Variants in IL10RB observed in about 807,000 individuals in gnomAD.
The protein encoded by IL10RB is interleukin-10 receptor subunit beta.
A neutral mutation model predicts 38.7 loss-of-function variants in IL10RB; 30 were observed. That is an observed-to-expected ratio of 0.78 (90% CI 0.58 to 1.05). The LOEUF is 1.05. Ranked by LOEUF, IL10RB falls within the 50% of genes least tolerant of loss-of-function variation. The pLI is 0.00. For synonymous variants in IL10RB, 142 were observed against 145.9 expected (o/e 0.97, Z 0.19); for missense variants, 328 against 397.1 (o/e 0.83, Z 1.48).
chr21:33,280,374 A>C (rs1253167162), intron 4 of IL10RB, among the ~76,000 whole-genome samples: 4 of 152,180 alleles, frequency 2.6e-5, no homozygotes, highest in Admixed American at 1.3e-4. Flanking sequence ...TCTGATCGGA[A>C]TATCACCCGT....
intron 5 of IL10RB, among the ~76,000 whole-genome samples, chr21:33,285,046 C>A (rs1989348464): frequency 6.6e-6 from 1 of 152,128 alleles, no homozygotes; most frequent in Non-Finnish European, 1.5e-5. Flanking sequence ...CCCACCACCA[C>A]ACCCAGCTAA....
At position 33,283,152 on chromosome 21, in the gene IL10RB, C is replaced by T. The variant is rs1989310081; in HGVS notation, c.557C>T (p.Thr186Ile). The part of the protein sequence containing the change: ...EVLRNLEPWT[T>I]YCVQVRGFLP... ...CTCAGAAACCTGGAGCCATGGACAA[C>T]TTATTGTGTTCAAGTTCGAGGGTTT... The change falls in exon 5 of 7, where the codon ACT becomes ATT. Residue 186 changes from threonine to isoleucine, a missense_variant. Transcript: ENST00000290200. The T allele has an allele frequency of 6.2e-7, 1 of 1,613,728 alleles. No individual in the cohort carries two copies. Among genetic ancestry groups the T allele is most frequent in the Admixed American group, 1.7e-5 (1 of 59,998 alleles).
chr21:33,275,101 G>A (rs948800084), intron 2 of IL10RB, among the ~76,000 whole-genome samples: 2 of 151,392 alleles, frequency 1.3e-5, no homozygotes, highest in Non-Finnish European at 2.9e-5. Flanking sequence ...TTATGGAGAT[G>A]GCTTCTGTCC....
chr21:33,286,596 T>C (rs1418213998), intron 5 of IL10RB, among the ~76,000 whole-genome samples: 3 of 151,896 alleles, frequency 2.0e-5, no homozygotes, highest in Non-Finnish European at 4.4e-5. Flanking sequence ...TCAGAGGTGT[T>C]TTAAAGGGAG....
At chr21:33,276,219 C>T (rs896898098) in intron 2 of IL10RB, among the ~76,000 whole-genome samples, 2 of 152,092 alleles carry the variant, frequency 1.3e-5, no homozygotes, top group South Asian at 2.1e-4. Context: ...AGGGCATCAA[C>T]GTTGTATATG....
chr21:33,288,063 G>C, intron 5 of IL10RB, 41 bp from the exon 6 acceptor site: 2 of 1,601,914 alleles, frequency 1.2e-6, no homozygotes, highest in Non-Finnish European at 8.6e-7. Flanking sequence ...ACTGTGACCC[G>C]ACCTGTGACA....
intron 3 of IL10RB, among the ~76,000 whole-genome samples, chr21:33,279,029 G>A (rs1488628496): frequency 1.3e-5 from 2 of 152,202 alleles, no homozygotes; most frequent in African/African-American, 4.8e-5. Context: ...ACCTCATGGA[G>A]CATATATGTG....
At chr21:33,300,521 G>A (rs1278025545), downstream of IL10RB, among the ~76,000 whole-genome samples, 2 of 151,636 alleles carry the variant, frequency 1.3e-5, no homozygotes, top group South Asian at 2.1e-4. Context: ...AGAGCTGTAA[G>A]TTAACAAATC....
intron 1 of IL10RB, among the ~76,000 whole-genome samples, chr21:33,305,357 A>C (rs147386016): frequency 2.4e-4 from 36 of 152,084 alleles, no homozygotes; most frequent in African/African-American, 8.7e-4. Flanking sequence ...TGATCCTCCC[A>C]TCTCGGCCTC....
At chr21:33,284,087 G>A (rs1601833612) in intron 5 of IL10RB, among the ~76,000 whole-genome samples, 2 of 152,250 alleles carry the variant, frequency 1.3e-5, no homozygotes, top group African/African-American at 4.8e-5. Flanking sequence ...CCTGAGGTCA[G>A]GAGTTTGAGA....
In IL10RB at chr21:33,296,462, C is replaced by A; in HGVS notation, c.*105C>A. 1 of 1,096,648 alleles carries A rather than the reference C, an allele frequency of 9.1e-7. No individual in the cohort carries two copies. The highest frequency in any genetic ancestry group is 1.4e-6 in the Non-Finnish European group (1 of 738,612). 67.9% of individuals were successfully genotyped at this position (1,096,648 alleles called of 1,614,324 possible). A position where few individuals can be genotyped will look rare whatever the true frequency, so the allele number is the denominator to read the frequency against. ...CAAACAAGGGCCAAGACCATCTGAGCCAGCCCCACATCTAGAACTCCCAGA... is the reference window on the plus strand; with the variant it reads ...CAAACAAGGGCCAAGACCATCTGAGACAGCCCCACATCTAGAACTCCCAGA... On this transcript the variant is annotated 3_prime_UTR_variant, in exon 7 of 7. Transcript: ENST00000290200.
chr21:33,307,492 G>C (rs988446822), intron 1 of IL10RB, among the ~76,000 whole-genome samples: 1 of 152,172 alleles, frequency 6.6e-6, no homozygotes, highest in African/African-American at 2.4e-5. Flanking sequence ...CTGTCTGTGA[G>C]TTCCCCAATA....
Position 33,266,502 on chromosome 21 carries a change from C to A in IL10RB, c.37C>A (p.Leu13Met). The change falls in exon 1 of 7, where the codon CTG becomes ATG. Residue 13 changes from leucine (L) to methionine (M), a missense_variant. Transcript: ENST00000290200. ...CCTTGGGAGCTGGCTGGGTGGCTGC[C>A]TGCTGGTGTCAGGTGAGGGGTCCGC... ...WSLGSWLGGC[L>M]LVSALGMVPP... 4.5e-6 allele frequency: 7 copies of A among 1,543,118 alleles called. No individual in the cohort carries two copies. The highest frequency in any genetic ancestry group is 6.1e-6 in the Non-Finnish European group (7 of 1,147,442).
intron 6 of IL10RB, among the ~76,000 whole-genome samples, chr21:33,290,222 T>C (rs1989459489): frequency 6.7e-6 from 1 of 148,984 alleles, no homozygotes; most frequent in Non-Finnish European, 1.5e-5. Context: ...ACTCGGGAGG[T>C]GGAAGTTGCA....
intron 3 of IL10RB, among the ~76,000 whole-genome samples, chr21:33,279,154 C>G (rs902762302): frequency 2.6e-4 from 39 of 152,140 alleles, no homozygotes; most frequent in African/African-American, 8.4e-4. Context: ...GGGAGCTGCA[C>G]TTCTACATAG....
intron 4 of IL10RB, among the ~76,000 whole-genome samples, chr21:33,281,136 A>G (rs896581657): frequency 5.9e-5 from 9 of 152,172 alleles, no homozygotes; most frequent in East Asian, 1.9e-4. Context: ...AAGGTCACCA[A>G]TGGCATTCAG....
chr21:33,291,771 C>T (rs906759149), intron 6 of IL10RB, among the ~76,000 whole-genome samples: 2 of 152,194 alleles, frequency 1.3e-5, no homozygotes, highest in Non-Finnish European at 2.9e-5. Context: ...AGCTTGCTAC[C>T]AGGTGGCTGG....
At chr21:33,272,049 G>A (rs567873366) in intron 2 of IL10RB, among the ~76,000 whole-genome samples, 3 of 152,242 alleles carry the variant, frequency 2.0e-5, no homozygotes, top group South Asian at 4.1e-4. Context: ...TGAAATGACC[G>A]CTGGATTTTC....
chr21:33,292,665 A>G (rs1377469514), intron 6 of IL10RB, among the ~76,000 whole-genome samples: 1 of 152,000 alleles, frequency 6.6e-6, no homozygotes, highest in Non-Finnish European at 1.5e-5. Context: ...ACAGAGTACA[A>G]TTATCTGCTG....
Sources: allele counts gnomAD v4.1 joint callset (sites outside exome capture counted in the v4.1 genomes callset), GRCh38; gene constraint gnomAD v4.1.1; transcripts MANE v1.5; gene names NCBI Gene and HGNC (gene_info 2026-07-23, HGNC 2026-07-21).